The following PDE1A variants were observed in gnomAD, a reference collection of about 807,000 sequenced individuals.
PDE1A encodes dual specificity calcium/calmodulin-dependent 3',5'-cyclic nucleotide phosphodiesterase 1A.
In PDE1A, 35 loss-of-function variants were observed where a neutral mutation model predicts 61.7. The ratio of observed to expected loss-of-function variants is 0.57; its 90% confidence interval spans 0.43 to 0.75. The LOEUF (loss-of-function observed/expected upper bound fraction) is 0.75, where lower values mean the gene tolerates loss of function less well. Among genes scored for constraint, PDE1A ranks in the 30% least tolerant of loss-of-function variants. The probability of loss-of-function intolerance (pLI) is 0.00; values close to 1 mark genes in which losing one functional copy is unlikely to be tolerated. For missense variants in PDE1A, 597 were observed against 630.6 expected (o/e 0.95, Z 0.57); for synonymous variants, 232 against 213.2 (o/e 1.09, Z -0.77).
chr2:182,150,710 A>C (rs113371931), intron 13 of PDE1A, among the ~76,000 whole-genome samples: 39 of 152,338 alleles, frequency 2.6e-4, no homozygotes, highest in Middle Eastern at 3.4e-3. Context: ...TTCTTCAAGG[A>C]GCAGGGAGGG....
the PDE1A span, among the ~76,000 whole-genome samples, chr2:182,670,656 T>C: frequency 1.3e-5 from 2 of 152,186 alleles, no homozygotes; most frequent in African/African-American, 4.8e-5. Context: ...ACATTCTTAT[T>C]TAGCCAAATG....
intron 10 of PDE1A, among the ~76,000 whole-genome samples, chr2:182,192,793 T>C (rs1007447817): frequency 9.2e-5 from 14 of 152,090 alleles, no homozygotes; most frequent in African/African-American, 3.1e-4. Context: ...TCCCTGGAGA[T>C]CCTTCAGGTT....
At chr2:182,152,228 T>A (rs1257646835) in intron 13 of PDE1A, among the ~76,000 whole-genome samples, 1 of 152,142 alleles carries the variant, frequency 6.6e-6, no homozygotes, top group East Asian at 1.9e-4. Context: ...ATGTTGCAGA[T>A]AACTAGAATA....
the PDE1A span, among the ~76,000 whole-genome samples, chr2:182,587,549 C>G: frequency 5.3e-5 from 8 of 152,224 alleles, no homozygotes; most frequent in Non-Finnish European, 1.2e-4. Flanking sequence ...GTGGTTATAA[C>G]TAAGTGGGGT....
chr2:182,527,052 A>AT (rs575354669), upstream of PDE1A, among the ~76,000 whole-genome samples: 1 of 151,320 alleles, frequency 6.6e-6, no homozygotes, highest in Admixed American at 6.6e-5. Context: ...AAGATATTCT[A>AT]TTTTTTTAAA....
At chr2:182,161,389 G>A (rs1249353535) in intron 13 of PDE1A, among the ~76,000 whole-genome samples, 2 of 135,454 alleles carry the variant, frequency 1.5e-5, no homozygotes, top group African/African-American at 5.8e-5. Context: ...GGATGGAGAT[G>A]TGTGGGATGA....
chr2:182,698,674 G>T, the PDE1A span, among the ~76,000 whole-genome samples: 59 of 152,212 alleles, frequency 3.9e-4, no homozygotes, highest in African/African-American at 1.4e-3. Context: ...TTATATTAGC[G>T]TGGCAAATAA....
intron 13 of PDE1A, among the ~76,000 whole-genome samples, chr2:182,157,868 A>G (rs1691182145): frequency 6.6e-6 from 1 of 152,230 alleles, no homozygotes; most frequent in African/African-American, 2.4e-5. Flanking sequence ...TGAAGCCACC[A>G]AATCTTTAAG....
intron 1 of PDE1A, among the ~76,000 whole-genome samples, chr2:182,384,903 A>AG (rs1386828267): frequency 3.9e-5 from 6 of 152,184 alleles, no homozygotes; most frequent in African/African-American, 1.4e-4. Context: ...AAAGACAAGG[A>AG]GAAGACTGAA....
At chr2:182,665,833 T>C in the PDE1A span, among the ~76,000 whole-genome samples, 79 of 152,300 alleles carry the variant, frequency 5.2e-4, no homozygotes, top group Non-Finnish European at 1.0e-3. Context: ...CCATTAATGA[T>C]AGACTGGATA....
the PDE1A span, among the ~76,000 whole-genome samples, chr2:182,585,148 T>C: frequency 6.6e-6 from 1 of 152,208 alleles, no homozygotes. Context: ...AACTCTCATG[T>C]ATATCCCATT....
chr2:182,172,239 T>C (rs931407366), intron 13 of PDE1A, among the ~76,000 whole-genome samples: 2 of 151,980 alleles, frequency 1.3e-5, no homozygotes, highest in Non-Finnish European at 2.9e-5. Flanking sequence ...TTTCTTCTAA[T>C]CAACACTGAC....
the PDE1A span, among the ~76,000 whole-genome samples, chr2:182,675,870 A>G: frequency 3.9e-5 from 6 of 152,188 alleles, no homozygotes; most frequent in Non-Finnish European, 7.3e-5. Flanking sequence ...TCAGATGCAT[A>G]GTTTGCAAAA....
the PDE1A span, among the ~76,000 whole-genome samples, chr2:182,635,698 C>A: frequency 0.042 from 6,269 of 147,546 alleles, 172 homozygotes; most frequent in Non-Finnish European, 0.063. Context: ...CTCTCTCTCT[C>A]TCCACATATG....
intron 7 of PDE1A, among the ~76,000 whole-genome samples, chr2:182,222,133 G>T (rs1688783211): frequency 6.6e-6 from 1 of 151,822 alleles, no homozygotes; most frequent in African/African-American, 2.4e-5. Context: ...GCCCAAATTT[G>T]GAAACAACCA....
intron 7 of PDE1A, among the ~76,000 whole-genome samples, chr2:182,213,841 T>C (rs2125551298): frequency 1.1e-5 from 1 of 92,118 alleles, no homozygotes; most frequent in African/African-American, 3.9e-5. Context: ...TGGAAAACAC[T>C]CTGCAGGATA....
At chr2:182,226,753 T>C (rs891089402) in intron 6 of PDE1A, among the ~76,000 whole-genome samples, 1 of 149,916 alleles carries the variant, frequency 6.7e-6, no homozygotes, top group Non-Finnish European at 1.5e-5. Flanking sequence ...GGATAAATCA[T>C]GAGCAATGCA....
intron 13 of PDE1A, among the ~76,000 whole-genome samples, chr2:182,157,022 T>TTA (rs1691126533): frequency 6.8e-6 from 1 of 147,744 alleles, no homozygotes; most frequent in Non-Finnish European, 1.5e-5. Flanking sequence ...TTATTTTATT[T>TTA]TTTTTTTTTT....
intron 2 of PDE1A, among the ~76,000 whole-genome samples, chr2:182,455,789 G>A (rs539616241): frequency 6.6e-6 from 1 of 152,058 alleles, no homozygotes; most frequent in Non-Finnish European, 1.5e-5. Flanking sequence ...AAAGCATTAG[G>A]AGATATACCT....
Sources: allele counts gnomAD v4.1 joint callset (sites outside exome capture counted in the v4.1 genomes callset), GRCh38; gene constraint gnomAD v4.1.1; transcripts MANE v1.5; gene names NCBI Gene and HGNC (gene_info 2026-07-23, HGNC 2026-07-21).